UBOX5: variants seen among roughly 807,000 people sequenced by gnomAD.
UBOX5 encodes the protein RING finger protein 37.
A neutral mutation model predicts 39.0 loss-of-function variants in UBOX5; 28 were observed. That is an observed-to-expected ratio of 0.72 (90% CI 0.53 to 0.98). UBOX5 has a LOEUF of 0.98. UBOX5 is among the 50% of genes least tolerant of loss of function. UBOX5 has a pLI of 0.00. For synonymous variants in UBOX5, 283 were observed against 275.5 expected (o/e 1.03, Z -0.27); for missense variants, 585 against 674.4 (o/e 0.87, Z 1.47).
In UBOX5 at chr20:3,121,433, T is replaced by C; in HGVS notation, c.1206A>G (p.Lys402=). ...LPTTSEHTAK[K]MKATNEPSLT... ...GGCTGGGCTCATTGGTGGCTTTCATTTTCTTAGCAGTGTGCTCTGAGGTAG... is the reference window on the plus strand; with the variant it reads ...GGCTGGGCTCATTGGTGGCTTTCATCTTCTTAGCAGTGTGCTCTGAGGTAG... The change falls in exon 3 of 5, where the codon AAA becomes AAG. Residue 402 remains lysine, a synonymous_variant. Transcript: ENST00000217173. 1.2e-6 allele frequency: 2 copies of C among 1,613,966 alleles called. No homozygotes were observed. The highest frequency in any genetic ancestry group is 1.7e-6 in the Non-Finnish European group (2 of 1,179,936).
chr20:3,141,715 A>C lies in UBOX5; in HGVS notation c.-42+18051T>G, dbSNP rs2066518699. ...GATAAAAGGTTTATAAAAACCCCATAGTTAACATCATACTCAGCCGGGAGT... is the reference window on the plus strand; with the variant it reads ...GATAAAAGGTTTATAAAAACCCCATCGTTAACATCATACTCAGCCGGGAGT... On this transcript the variant is annotated intron_variant, in intron 1 of 4. Transcript: ENST00000217173. 2.0e-5 allele frequency among the ~76,000 whole-genome samples: 3 copies of C among 151,998 alleles called. No individual in the cohort carries two copies. The South Asian group carries it at 6.2e-4, about 32-fold the overall frequency.
chr20:3,155,439 G>T (rs557753439), intron 1 of UBOX5, among the ~76,000 whole-genome samples: 2 of 152,122 alleles, frequency 1.3e-5, no homozygotes, highest in African/African-American at 4.8e-5. Flanking sequence ...GCCGAGGCAG[G>T]AGAATCACTT....
intron 4 of UBOX5, among the ~76,000 whole-genome samples, chr20:3,113,990 TG>T (rs1336709287): frequency 1.3e-5 from 2 of 151,964 alleles, no homozygotes; most frequent in African/African-American, 4.8e-5. Context: ...AAAAATTAGC[TG>T]GGCGTGGTGG....
chr20:3,158,172 T>C (rs1380536438), intron 1 of UBOX5, among the ~76,000 whole-genome samples: 1 of 152,114 alleles, frequency 6.6e-6, no homozygotes, highest in African/African-American at 2.4e-5. Context: ...TTTCCCTATG[T>C]TGCCCCCAGG....
chr20:3,158,366 A>G (rs1191111551), intron 1 of UBOX5, among the ~76,000 whole-genome samples: 2 of 152,166 alleles, frequency 1.3e-5, no homozygotes. Flanking sequence ...GGGGAAGAAA[A>G]TCATACTGAC....
At position 3,145,736 on chromosome 20, in the gene UBOX5, T is replaced by C. The variant is rs145569734; in HGVS notation, c.-42+14030A>G. Among the ~76,000 whole-genome samples the C allele has an allele frequency of 6.2e-3, 940 of 152,232 alleles. 6 individuals carry two copies. The highest frequency in any genetic ancestry group is 9.5e-3 in the Non-Finnish European group (647 of 68,010). On this transcript the variant is annotated intron_variant, in intron 1 of 4. Transcript: ENST00000217173. The stretch of plus-strand genomic sequence containing the variant: ...CAGGCATGAGCCACCACATCCAGCA[T>C]GAGATTCTTATTTTAAAACAAGGTA...
chr20:3,128,307 TAATTG>T (rs2066405166), intron 1 of UBOX5, among the ~76,000 whole-genome samples: 1 of 152,228 alleles, frequency 6.6e-6, no homozygotes, highest in South Asian at 2.1e-4. Flanking sequence ...CCATTCACTT[TAATTG>T]AATATAGAAC....
intron 4 of UBOX5, among the ~76,000 whole-genome samples, chr20:3,112,525 G>A (rs1424218436): frequency 1.3e-5 from 2 of 152,068 alleles, no homozygotes; most frequent in East Asian, 3.9e-4. Flanking sequence ...GTGACAGAGA[G>A]GATAAAAAAG....
intron 1 of UBOX5, among the ~76,000 whole-genome samples, chr20:3,132,036 G>A (rs570946682): frequency 3.5e-4 from 49 of 140,548 alleles, no homozygotes; most frequent in African/African-American, 1.1e-3. Flanking sequence ...AAAACTGGGC[G>A]TGGTGGTTCA....
chr20:3,129,321 T>G (rs911955883), intron 1 of UBOX5, among the ~76,000 whole-genome samples: 1 of 152,196 alleles, frequency 6.6e-6, no homozygotes, highest in Non-Finnish European at 1.5e-5. Flanking sequence ...CACACCACTA[T>G]CTGACAGATT....
chr20:3,126,940 G>A (rs777476085), intron 1 of UBOX5, among the ~76,000 whole-genome samples: 15 of 145,878 alleles, frequency 1.0e-4, no homozygotes, highest in Non-Finnish European at 1.9e-4. Flanking sequence ...GGAGGCCAAG[G>A]CAGGAGAATC....
chr20:3,112,394 G>C (rs1224767292), intron 4 of UBOX5, among the ~76,000 whole-genome samples: 2 of 149,008 alleles, frequency 1.3e-5, no homozygotes, highest in African/African-American at 5.0e-5. Context: ...AAAGATCTCA[G>C]AGGCCCAGAG....
chr20:3,110,362 A>G (rs375048651), intron 4 of UBOX5, 48 bp from the exon 5 acceptor site: 27 of 1,606,746 alleles, frequency 1.7e-5, no homozygotes, highest in African/African-American at 4.0e-5. Context: ...AAGCTGCTCC[A>G]TGGTCCAGGC....
intron 1 of UBOX5, among the ~76,000 whole-genome samples, chr20:3,158,967 T>A (rs547011035): frequency 6.6e-6 from 1 of 152,296 alleles, no homozygotes; most frequent in East Asian, 1.9e-4. Context: ...CAGTTGGTGC[T>A]AACGCAGCTG....
At chr20:3,144,304 T>A (rs2066542044) in intron 1 of UBOX5, among the ~76,000 whole-genome samples, 1 of 152,158 alleles carries the variant, frequency 6.6e-6, no homozygotes. Context: ...ATGAATGGAA[T>A]AGAAATGAAA....
chr20:3,128,890 C>A lies in UBOX5; in HGVS notation c.-41-5484G>T, dbSNP rs566557127. ...AATAAAGTAAAATAAAATAAGAGTT[C>A]TTCTAGACTTAAATGTGGTTATTAT... On this transcript the variant is annotated intron_variant, in intron 1 of 4. Coordinates refer to ENST00000217173, the MANE Select transcript of UBOX5 (RefSeq NM_014948.4). 1.9e-4 allele frequency among the ~76,000 whole-genome samples: 29 copies of A among 152,234 alleles called. No homozygotes were observed. The East Asian group carries it at 5.4e-3, about 28-fold the overall frequency.
chr20:3,135,434 A>G (rs1165201009), intron 1 of UBOX5, among the ~76,000 whole-genome samples: 1 of 152,170 alleles, frequency 6.6e-6, no homozygotes, highest in African/African-American at 2.4e-5. Context: ...GAGATGCTGA[A>G]CATGCCACTT....
At chr20:3,147,943 C>A in intron 1 of UBOX5, 1 of 1,614,256 alleles carries the variant, frequency 6.2e-7, no homozygotes, top group Non-Finnish European at 8.5e-7. Flanking sequence ...TCTCTCCAAT[C>A]TGCTTCATGA....
chr20:3,144,714 T>C (rs960042873), intron 1 of UBOX5, among the ~76,000 whole-genome samples: 2 of 152,248 alleles, frequency 1.3e-5, no homozygotes, highest in African/African-American at 4.8e-5. Context: ...ATCTGTTACC[T>C]GTATTATGTT....
Sources: gnomAD v4.1 joint callset for allele counts (sites outside exome capture counted in the v4.1 genomes callset) on GRCh38, gnomAD v4.1.1 for gene constraint, MANE v1.5 for transcripts, NCBI Gene and HGNC (gene_info 2026-07-23, HGNC 2026-07-21) for gene names.